MEOX1: variants seen among roughly 807,000 people sequenced by gnomAD.
MEOX1 encodes homeobox protein MOX-1.
MEOX1 carries 17 observed loss-of-function variants against 23.2 expected under a neutral mutation model. The ratio of observed to expected loss-of-function variants is 0.73; its 90% CI spans 0.50 to 1.10. The LOEUF (loss-of-function observed/expected upper bound fraction) is 1.10. MEOX1 is among the 50% of genes least tolerant of loss of function. The pLI is 0.00. For missense variants in MEOX1, 333 were observed against 332.2 expected, an observed-to-expected ratio of 1.00 and a Z score of -0.02; for synonymous variants, 134 against 135.1, an observed-to-expected ratio of 0.99 and a Z score of 0.06.
chr17:43,657,038 C>CTT (rs1491423010), intron 1 of MEOX1, among the ~76,000 whole-genome samples: 6 of 122,676 alleles, frequency 4.9e-5, no homozygotes, highest in Non-Finnish European at 9.3e-5. Flanking sequence ...TTCTTTCTTT[C>CTT]TTTCTTTCTT....
At chr17:43,645,430 G>T (rs1228759942) in intron 1 of MEOX1, among the ~76,000 whole-genome samples, 2 of 152,102 alleles carry the variant, frequency 1.3e-5, no homozygotes, top group African/African-American at 2.4e-5. Context: ...GCCCGCCTTG[G>T]CCTCCCAAAG....
intron 1 of MEOX1, among the ~76,000 whole-genome samples, chr17:43,654,260 G>T (rs562015397): frequency 6.6e-6 from 1 of 152,316 alleles, no homozygotes; most frequent in South Asian, 2.1e-4. Context: ...TGTAATCCCA[G>T]CACTTTGGGA....
chr17:43,661,624 A>G lies in MEOX1; in HGVS notation c.-90T>C, dbSNP rs1269428396. 3.7e-6 allele frequency: 3 copies of G among 818,958 alleles called. No individual in the cohort carries two copies. Among genetic ancestry groups the G allele is most frequent in the African/African-American group, 3.6e-5 (2 of 56,192 alleles). 50.7% of individuals were successfully genotyped at this position (818,958 alleles called of 1,614,324 possible). A position where few individuals can be genotyped will look rare whatever the true frequency, so the allele number is the denominator to read the frequency against. ...TTTTTAAAAATGCAAAAGAAAAAAAACTAAATAGGAGGGAAAAATGTTCAA... is the reference window on the plus strand; with the variant it reads ...TTTTTAAAAATGCAAAAGAAAAAAAGCTAAATAGGAGGGAAAAATGTTCAA... On this transcript the variant is annotated 5_prime_UTR_variant, in exon 1 of 3. Coordinates refer to ENST00000318579, the MANE Select transcript of MEOX1 (RefSeq NM_004527.4).
intron 1 of MEOX1, among the ~76,000 whole-genome samples, chr17:43,651,833 A>G (rs1449390639): frequency 6.6e-6 from 1 of 152,228 alleles, no homozygotes; most frequent in Non-Finnish European, 1.5e-5. Flanking sequence ...GGCGGAGCAG[A>G]GCTGAGGTGA....
At chr17:43,651,596 G>A (rs1441645237) in intron 1 of MEOX1, among the ~76,000 whole-genome samples, 1 of 152,196 alleles carries the variant, frequency 6.6e-6, no homozygotes. Flanking sequence ...CCTGGCCAGA[G>A]GCCAGGGAGC....
chr17:43,645,378 T>C (rs1406451767), intron 1 of MEOX1, among the ~76,000 whole-genome samples: 6 of 152,012 alleles, frequency 3.9e-5, no homozygotes, highest in Non-Finnish European at 5.9e-5. Flanking sequence ...GACGTTTCAC[T>C]GTGATAGCCA....
intron 1 of MEOX1, among the ~76,000 whole-genome samples, chr17:43,645,325 C>T (rs534166154): frequency 6.6e-6 from 1 of 151,938 alleles, no homozygotes; most frequent in African/African-American, 2.4e-5. Context: ...TACAGGCGCC[C>T]GCCACCACGC....
At chr17:43,655,070 G>T (rs1382748591) in intron 1 of MEOX1, among the ~76,000 whole-genome samples, 1 of 151,450 alleles carries the variant, frequency 6.6e-6, no homozygotes, top group African/African-American at 2.4e-5. Flanking sequence ...AAAAGAAAAA[G>T]AAAATACACT....
intron 1 of MEOX1, among the ~76,000 whole-genome samples, chr17:43,653,011 T>C (rs1972947519): frequency 6.6e-6 from 1 of 151,662 alleles, no homozygotes; most frequent in Non-Finnish European, 1.5e-5. Context: ...TTTTTATATT[T>C]TTAGTAGAGA....
intron 1 of MEOX1, among the ~76,000 whole-genome samples, chr17:43,648,840 C>T (rs1351540778): frequency 6.6e-6 from 1 of 152,176 alleles, no homozygotes; most frequent in African/African-American, 2.4e-5. Context: ...CTTCCCACAG[C>T]TCAATGATCA....
rs1358315730 is a variant in MEOX1 at position 43,641,433 on chromosome 17, A to G, written c.*477T>C. On this transcript the variant is annotated 3_prime_UTR_variant, in exon 3 of 3. Transcript: ENST00000318579. Reference sequence around the variant, plus strand: ...CCTCAGATGTGCAGCCTACAGAGGAAGGTGGGCAAGGGCGTGTGTCTCTGT... The same window carrying G: ...CCTCAGATGTGCAGCCTACAGAGGAGGGTGGGCAAGGGCGTGTGTCTCTGT... The G allele has an allele frequency of 1.3e-5, 2 of 154,044 alleles. No individual in the cohort carries two copies. Among genetic ancestry groups the G allele is most frequent in the Non-Finnish European group, 2.9e-5 (2 of 69,126 alleles). The allele number at this position is 154,044 out of a possible 1,614,324, so 9.5% of individuals were successfully genotyped here.
chr17:43,659,236 G>A (rs1277664462), intron 1 of MEOX1, among the ~76,000 whole-genome samples: 3 of 152,176 alleles, frequency 2.0e-5, no homozygotes, highest in Admixed American at 6.5e-5. Context: ...ACAGTGCTGC[G>A]TGCCGCCACC....
chr17:43,649,290 C>CTTTTTTTTTTT (rs10694288), intron 1 of MEOX1, among the ~76,000 whole-genome samples: 8 of 86,206 alleles, frequency 9.3e-5, no homozygotes, highest in Admixed American at 1.5e-4. Context: ...GGCCTTTCAG[C>CTTTTTTTTTTT]TTTTTTTTTT....
At chr17:43,648,105 T>C (rs1243982815) in intron 1 of MEOX1, among the ~76,000 whole-genome samples, 5 of 152,258 alleles carry the variant, frequency 3.3e-5, no homozygotes, top group African/African-American at 1.2e-4. Context: ...AGCACTTGCA[T>C]GCCGTTTCTG....
chr17:43,654,779 G>T (rs1338932303), intron 1 of MEOX1, among the ~76,000 whole-genome samples: 2 of 152,004 alleles, frequency 1.3e-5, no homozygotes, highest in Admixed American at 1.3e-4. Context: ...CCAGCCGGGT[G>T]CAGTGACTCA....
intron 1 of MEOX1, among the ~76,000 whole-genome samples, chr17:43,646,205 C>T (rs1235626839): frequency 6.6e-6 from 1 of 152,136 alleles, no homozygotes; most frequent in Admixed American, 6.5e-5. Flanking sequence ...CAGGTCCAGA[C>T]CCCTCCGGAA....
chr17:43,658,825 G>A (rs1463586070), intron 1 of MEOX1, among the ~76,000 whole-genome samples: 1 of 152,146 alleles, frequency 6.6e-6, no homozygotes, highest in African/African-American at 2.4e-5. Flanking sequence ...AGATTTCCAT[G>A]CTGAACAGTG....
chr17:43,646,840 A>G (rs1408844476), intron 1 of MEOX1, among the ~76,000 whole-genome samples: 5 of 152,096 alleles, frequency 3.3e-5, no homozygotes, highest in East Asian at 1.9e-4. Flanking sequence ...ACAAAAAATT[A>G]GCTGGGCGTG....
chr17:43,659,593 C>T (rs1025743120), intron 1 of MEOX1, among the ~76,000 whole-genome samples: 11 of 152,146 alleles, frequency 7.2e-5, no homozygotes, highest in African/African-American at 2.7e-4. Flanking sequence ...GGGTTTCCTA[C>T]GACAGGATTT....
Sources: allele counts gnomAD v4.1 joint callset (sites outside exome capture counted in the v4.1 genomes callset), GRCh38; gene constraint gnomAD v4.1.1; transcripts MANE v1.5; gene names NCBI Gene and HGNC (gene_info 2026-07-23, HGNC 2026-07-21).